CLIC6: variants seen among roughly 807,000 people sequenced by gnomAD.
The protein encoded by CLIC6 is CLIC family member 6.
Under a neutral mutation model 49.2 loss-of-function variants are expected in CLIC6, and 39 were observed. The ratio of observed to expected loss-of-function variants is 0.79; its 90% CI spans 0.61 to 1.04. The LOEUF (loss-of-function observed/expected upper bound fraction) is 1.04. Ranked by LOEUF, CLIC6 falls within the 50% of genes least tolerant of loss-of-function variation. CLIC6 has a pLI of 0.00. For synonymous variants in CLIC6, 446 were observed against 433.4 expected (o/e 1.03, Z -0.36); for missense variants, 988 against 993.1 (o/e 0.99, Z 0.07).
Position 34,670,313 on chromosome 21 carries a change from G to A in CLIC6, c.925G>A (p.Glu309Lys), listed in dbSNP as rs776212162. 22 of 1,443,782 alleles carry A rather than the reference G, an allele frequency of 1.5e-5. No individual in the cohort carries two copies. Among genetic ancestry groups the A allele is most frequent in the Non-Finnish European group, 1.9e-5 (21 of 1,100,914 alleles). The allele number at this position is 1,443,782 out of a possible 1,614,324, so 89.4% of individuals were successfully genotyped here. A position where few individuals can be genotyped will look rare whatever the true frequency, so the allele number is the denominator to read the frequency against. ...GGACGGCAGCCTCTCGCCCCAGGCC[G>A]AGGCAATTGAGGTCGCAGCCGGGGA... Reference protein sequence around the residue: ...SGDGSLSPQAEAIEVAAGESA... With the variant: ...SGDGSLSPQAKAIEVAAGESA... Residue 309 changes from glutamate to lysine, a missense_variant, in exon 1 of 6, where the codon GAG becomes AAG. By Grantham distance (56) the Glu-to-Lys change is moderately conservative. This residue lies in a region of CLIC6 where 647 missense variants were observed against 596.9 expected (regional missense o/e 1.08). Transcript: ENST00000349499.
At chr21:34,707,570 G>A (rs912092170) in intron 2 of CLIC6, among the ~76,000 whole-genome samples, 181 bp downstream of exon 2, 1 of 152,124 alleles carries the variant, frequency 6.6e-6, no homozygotes, top group Admixed American at 6.5e-5. Flanking sequence ...CGGCTGGGCT[G>A]GAGTCAGGAA....
chr21:34,671,548 A>G (rs960251544), intron 1 of CLIC6, among the ~76,000 whole-genome samples: 11 of 152,180 alleles, frequency 7.2e-5, no homozygotes, highest in African/African-American at 2.7e-4. Context: ...TTTAAACAGG[A>G]ATTATTTACA....
rs1052078668 is a variant in CLIC6 at position 34,669,477 on chromosome 21, A to T, written c.89A>T (p.Glu30Val). 6.1e-5 allele frequency: 75 copies of T among 1,234,004 alleles called. No individual in the cohort carries two copies. In the African/African-American group the frequency reaches 1.1e-3, roughly 18 times the overall value. The allele number at this position is 1,234,004 out of a possible 1,614,324, so 76.4% of individuals were successfully genotyped here. ...GCGCCTCTGGCTGAGAGACCCGGAGAGCCAGGAGCCGCGGGCGGGGAGGCA... is the reference window on the plus strand; with the variant it reads ...GCGCCTCTGGCTGAGAGACCCGGAGTGCCAGGAGCCGCGGGCGGGGAGGCA... ...VPAPLAERPG[E>V]PGAAGGEAEG... Residue 30 changes from glutamate to valine, a missense_variant, in exon 1 of 6, where the codon GAG (glutamate) becomes GTG (valine). Coordinates refer to ENST00000349499, the MANE Select transcript of CLIC6 (RefSeq NM_053277.3).
intron 1 of CLIC6, among the ~76,000 whole-genome samples, chr21:34,685,516 A>G (rs551679792): frequency 6.6e-6 from 1 of 152,276 alleles, no homozygotes; most frequent in South Asian, 2.1e-4. Context: ...AGAACCTTGG[A>G]AAGACTTAAC....
chr21:34,704,236 T>C (rs1213381758), intron 1 of CLIC6, among the ~76,000 whole-genome samples: 2 of 152,232 alleles, frequency 1.3e-5, no homozygotes, highest in East Asian at 3.8e-4. Context: ...TCTCCCATTA[T>C]TGCTCAATAA....
Position 34,670,474 on chromosome 21 carries a change from G to A in CLIC6, c.1086G>A (p.Gly362=). The A allele has an allele frequency of 6.7e-7, 1 of 1,492,300 alleles. No homozygotes were observed. The highest frequency in any genetic ancestry group is 2.5e-5 in the East Asian group (1 of 39,934). 92.4% of individuals were successfully genotyped at this position (1,492,300 alleles called of 1,614,324 possible). ...CTGGCGAGGACAGGGTAGGGGATGG[G>A]CCACAGCAGGAGCCGGGGGAGGACG... is the stretch of plus-strand genomic sequence containing the variant. ...ADAGEDRVGD[G]PQQEPGEDEE... is the part of the protein sequence containing the mutation. The change falls in exon 1 of 6, where the codon GGG becomes GGA. Residue 362 remains glycine (G), a synonymous_variant. Transcript: ENST00000349499.
Position 34,716,862 on chromosome 21 carries a change from T to TCTCTCTCTCTCACACACACACACACACA in CLIC6, c.*381_*382insTCTCTCTCTCACACACACACACACACAC. 2 of 131,634 alleles carry TCTCTCTCTCTCACACACACACACACACA rather than the reference T, an allele frequency of 1.5e-5. No homozygotes were observed. Among genetic ancestry groups the TCTCTCTCTCTCACACACACACACACACA allele is most frequent in the African/African-American group, 6.4e-5 (2 of 31,214 alleles). The allele number at this position is 131,634 out of a possible 1,614,324, so 8.2% of individuals were successfully genotyped here. On this transcript the variant is annotated 3_prime_UTR_variant, in exon 6 of 6. Transcript: ENST00000349499. ...CTCTCTCTCTCTCTCTCTCTCTCTATCACACACACACACACACACACACAC... is the reference window on the plus strand; with the variant it reads ...CTCTCTCTCTCTCTCTCTCTCTCTATCTCTCTCTCTCACACACACACACACACACACACACACACACACACACACACAC...
At chr21:34,707,214 T>G in intron 1 of CLIC6, 66 bp from the exon 2 acceptor site, 1 of 1,147,714 alleles carries the variant, frequency 8.7e-7, no homozygotes, top group Non-Finnish European at 1.3e-6. Context: ...TGCATGTGCA[T>G]GTTGTGGTGT....
chr21:34,673,863 C>T (rs1314332860), intron 1 of CLIC6, among the ~76,000 whole-genome samples: 1 of 152,068 alleles, frequency 6.6e-6, no homozygotes, highest in East Asian at 1.9e-4. Flanking sequence ...TTCTAGGCTC[C>T]TTTTTTGGGC....
chr21:34,687,961 G>A (rs1481399198), intron 1 of CLIC6, among the ~76,000 whole-genome samples: 6 of 152,172 alleles, frequency 3.9e-5, no homozygotes, highest in Admixed American at 2.0e-4. Flanking sequence ...TACAGACAAC[G>A]AGCATTGGGA....
At chr21:34,678,747 C>T (rs1222356011) in intron 1 of CLIC6, among the ~76,000 whole-genome samples, 1 of 151,832 alleles carries the variant, frequency 6.6e-6, no homozygotes, top group African/African-American at 2.4e-5. Flanking sequence ...TTTATGTAGT[C>T]CATGGGATTA....
intron 1 of CLIC6, among the ~76,000 whole-genome samples, chr21:34,674,917 A>G (rs1482216927): frequency 6.6e-6 from 1 of 152,128 alleles, no homozygotes; most frequent in Non-Finnish European, 1.5e-5. Flanking sequence ...TCGCCAAGGA[A>G]GTCTTGCTTA....
At chr21:34,701,749 C>G (rs1384441930) in intron 1 of CLIC6, among the ~76,000 whole-genome samples, 1 of 152,194 alleles carries the variant, frequency 6.6e-6, no homozygotes, top group Non-Finnish European at 1.5e-5. Context: ...ATTTCAACTC[C>G]TCAGGCAAAT....
At chr21:34,708,557 C>A (rs771482990) in intron 3 of CLIC6, 143 bp from the exon 4 acceptor site, 5 of 648,490 alleles carry the variant, frequency 7.7e-6, no homozygotes, top group Non-Finnish European at 8.1e-6. Context: ...ACTTCCCAAC[C>A]TTTGAGAGGA....
intron 1 of CLIC6, among the ~76,000 whole-genome samples, chr21:34,706,544 C>T (rs2056015946): frequency 6.6e-6 from 1 of 152,186 alleles, no homozygotes; most frequent in Non-Finnish European, 1.5e-5. Flanking sequence ...CAGATCAAGA[C>T]ATAGAACAAC....
chr21:34,687,186 G>T (rs1216858358), intron 1 of CLIC6, among the ~76,000 whole-genome samples: 1 of 152,140 alleles, frequency 6.6e-6, no homozygotes, highest in Non-Finnish European at 1.5e-5. Context: ...CTAAAGGGGA[G>T]GGGGCAATCA....
intron 2 of CLIC6, 93 bp downstream of exon 2, chr21:34,707,482 G>A (rs958898286): frequency 7.0e-6 from 4 of 568,550 alleles, no homozygotes; most frequent in East Asian, 4.6e-5. Flanking sequence ...TGAGGCCAAC[G>A]GTGCTGCATG....
At chr21:34,681,933 A>G (rs1989786932) in intron 1 of CLIC6, among the ~76,000 whole-genome samples, 1 of 152,194 alleles carries the variant, frequency 6.6e-6, no homozygotes, top group Admixed American at 6.5e-5. Context: ...CTGGAAATAC[A>G]TTGGTTTACA....
rs1278332053 is a variant in CLIC6, at chr21:34,669,250, T to G, written c.-139T>G. 3.6e-5 allele frequency: 25 copies of G among 699,022 alleles called. No homozygotes were observed. The highest frequency in any genetic ancestry group is 3.5e-4 in the Admixed American group (8 of 23,026). The allele number at this position is 699,022 out of a possible 1,614,324, so 43.3% of individuals were successfully genotyped here. ...CTGCGCAAGGCCCCAGTGCCCCGGC[T>G]AAACCTTTGCCGCAGGATCCCGGAG... On this transcript the variant is annotated 5_prime_UTR_variant, in exon 1 of 6. Coordinates refer to ENST00000349499, the MANE Select transcript of CLIC6 (RefSeq NM_053277.3).
Sources: allele counts gnomAD v4.1 joint callset (sites outside exome capture counted in the v4.1 genomes callset), GRCh38; gene constraint gnomAD v4.1.1; regional missense constraint gnomAD v4.1.1; transcripts MANE v1.5; gene names NCBI Gene and HGNC (gene_info 2026-07-23, HGNC 2026-07-21).